Variants in MCM3AP observed in about 807,000 individuals in gnomAD.
MCM3AP encodes minichromosome maintenance complex component 3 associated protein, also known as germinal-center associated nuclear protein.
A neutral mutation model predicts 184.1 loss-of-function variants in MCM3AP; 126 were observed. The observed-to-expected ratio is 0.68, with a 90% CI of 0.59 to 0.79. The LOEUF (loss-of-function observed/expected upper bound fraction) is 0.79, where lower values mean the gene tolerates loss of function less well. Ranked by LOEUF, MCM3AP falls within the 30% of genes least tolerant of loss-of-function variation. The probability of loss-of-function intolerance (pLI) is 0.00; values close to 1 mark genes in which losing one functional copy is unlikely to be tolerated. For synonymous variants in MCM3AP, 1,002 were observed against 979.3 expected (o/e 1.02, Z -0.43); for missense variants, 2,496 against 2,479.2 (o/e 1.01, Z -0.14).
intron 25 of MCM3AP, chr21:46,241,669 A>G (rs577044515): frequency 6.6e-6 from 1 of 152,662 alleles, no homozygotes; most frequent in South Asian, 2.1e-4. Flanking sequence ...TTTCTCAGCA[A>G]TTGATGCATA....
At chr21:46,277,769 G>A in intron 4 of MCM3AP, 52 bp from the exon 5 acceptor site, 2 of 1,190,640 alleles carry the variant, frequency 1.7e-6, no homozygotes, top group South Asian at 1.7e-5. Flanking sequence ...GGCCTTCAGA[G>A]CATTTTCATT....
In MCM3AP at chr21:46,285,597, G is replaced by T; in HGVS notation, c.-311C>A. ...TTACTTTGTTACAGAGGTTTAAAGCGTGATCCTTTAAGATTAAAAAAAAAA... is the reference window on the plus strand; with the variant it reads ...TTACTTTGTTACAGAGGTTTAAAGCTTGATCCTTTAAGATTAAAAAAAAAA... On this transcript the variant is annotated 5_prime_UTR_variant, in exon 1 of 28. Coordinates refer to ENST00000291688, the MANE Select transcript of MCM3AP (RefSeq NM_003906.5). 3.9e-6 allele frequency: 1 copy of T among 253,320 alleles called. No homozygotes were observed. The highest frequency in any genetic ancestry group is 7.6e-5 in the East Asian group (1 of 13,078). 15.7% of individuals were successfully genotyped at this position (253,320 alleles called of 1,614,324 possible). A position where few individuals can be genotyped will look rare whatever the true frequency, so the allele number is the denominator to read the frequency against.
rs1305098765 is a variant in MCM3AP at position 46,258,943 on chromosome 21, G to T, written c.3730C>A (p.Gln1244Lys). Residue 1244 changes from glutamine to lysine, a missense_variant, in exon 16 of 28, where the codon CAG becomes AAG. By Grantham distance (53) the Gln-to-Lys change is moderately conservative. Transcript: ENST00000291688. ...QELQCFCKYL[Q>K]RWREAVTARK... ...CTGTAGGAACACAGGACTCACCGCT[G>T]TAGATACTTGCAGAAGCACTGAAGC... is the stretch of plus-strand genomic sequence containing the variant. The T allele has an allele frequency of 6.2e-7, 1 of 1,614,164 alleles. No homozygotes were observed. The highest frequency in any genetic ancestry group is 1.3e-5 in the African/African-American group (1 of 75,056).
At chr21:46,263,984 A>T (rs926627376) in intron 13 of MCM3AP, 133 bp downstream of exon 13, 10 of 567,278 alleles carry the variant, frequency 1.8e-5, no homozygotes, top group Non-Finnish European at 2.8e-5. Flanking sequence ...AATCTTCCTG[A>T]CACTGTATCT....
Position 46,246,701 on chromosome 21 carries a change from G to C in MCM3AP, c.4476C>G (p.Phe1492Leu). Residue 1492 changes from phenylalanine (F) to leucine (L), a missense_variant, in exon 21 of 28, where the codon TTC becomes TTG. Around this residue, in one of 5 missense-constraint regions of MCM3AP, gnomAD observed 1,323 missense variants for 1,273.4 expected, o/e 1.04. Coordinates refer to ENST00000291688, the MANE Select transcript of MCM3AP (RefSeq NM_003906.5). Reference sequence around the variant, plus strand: ...GAACCACCAGAGGAAGCGCAGGCTGGAAGGGCTTAGCCTGCAGGAGCTGCT... The same window carrying C: ...GAACCACCAGAGGAAGCGCAGGCTGCAAGGGCTTAGCCTGCAGGAGCTGCT... ...QLKQLLQAKP[F>L]QPALPLVVLV... The C allele has an allele frequency of 6.2e-7, 1 of 1,614,232 alleles. No individual in the cohort carries two copies. The highest frequency in any genetic ancestry group is 8.5e-7 in the Non-Finnish European group (1 of 1,180,026).
At position 46,283,660 on chromosome 21, in the gene MCM3AP, A is replaced by G; in HGVS notation, c.1398T>C (p.Phe466=). Residue 466 remains phenylalanine, a synonymous_variant, in exon 2 of 28, where the codon TTT becomes TTC. Coordinates refer to ENST00000291688, the MANE Select transcript of MCM3AP (RefSeq NM_003906.5). ...CTGCAAGCTTTTTGCTGCGCCTGGT[A>G]AAGATGCGCTGCACTTTAGCAATTT... is the stretch of plus-strand genomic sequence containing the variant. The part of the protein sequence containing the change: ...FGKIAKVQRI[F]TRRSKKLAVV... 1.2e-6 allele frequency: 2 copies of G among 1,614,156 alleles called. No homozygotes were observed. The highest frequency in any genetic ancestry group is 8.5e-7 in the Non-Finnish European group (1 of 1,180,002).
Position 46,272,614 on chromosome 21 carries a change from C to A in MCM3AP, c.2412G>T (p.Ala804=). The A allele has an allele frequency of 6.2e-7, 1 of 1,614,184 alleles. No homozygotes were observed. The highest frequency in any genetic ancestry group is 8.5e-7 in the Non-Finnish European group (1 of 1,180,016). Residue 804 remains alanine (A), a synonymous_variant, in exon 8 of 28, where the codon GCG becomes GCT. Coordinates refer to ENST00000291688, the MANE Select transcript of MCM3AP (RefSeq NM_003906.5). Reference sequence around the variant, plus strand: ...GCAGAACATTGTAGCCCTGGAACTCCGCTTCGCTGGCACAGAAGACACCCT... The same window carrying A: ...GCAGAACATTGTAGCCCTGGAACTCAGCTTCGCTGGCACAGAAGACACCCT... ...RNKGVFCASE[A]EFQGYNVLLS...
intron 15 of MCM3AP, 35 bp downstream of exon 15, chr21:46,260,758 C>T (rs1394076007): frequency 2.0e-6 from 3 of 1,472,180 alleles, no homozygotes; most frequent in Middle Eastern, 1.7e-4. Flanking sequence ...AAAGCTCACT[C>T]TCCTGGCACA....
chr21:46,279,190 A>T (rs1358566906), intron 4 of MCM3AP, among the ~76,000 whole-genome samples: 1 of 151,976 alleles, frequency 6.6e-6, no homozygotes, highest in African/African-American at 2.4e-5. Context: ...AGGGAGGCTA[A>T]GGCAGGAGAA....
intron 13 of MCM3AP, among the ~76,000 whole-genome samples, chr21:46,263,058 G>T (rs1165751879): frequency 6.6e-6 from 1 of 150,694 alleles, no homozygotes; most frequent in African/African-American, 2.4e-5. Context: ...GGCCAGGTGC[G>T]GTGGCTCACA....
At chr21:46,237,212 C>T (rs769370955) in intron 26 of MCM3AP, among the ~76,000 whole-genome samples, 7 of 150,978 alleles carry the variant, frequency 4.6e-5, no homozygotes, top group African/African-American at 7.3e-5. Flanking sequence ...AGTGATTCTC[C>T]TGCGTCAGCC....
chr21:46,282,257 G>A (rs1284890386), intron 2 of MCM3AP, among the ~76,000 whole-genome samples: 2 of 151,918 alleles, frequency 1.3e-5, no homozygotes, highest in Non-Finnish European at 2.9e-5. Context: ...CTGAAAGCAG[G>A]GACTCAAATA....
intron 26 of MCM3AP, 92 bp downstream of exon 26, chr21:46,240,719 T>G: frequency 8.7e-7 from 1 of 1,150,254 alleles, no homozygotes; most frequent in Non-Finnish European, 1.3e-6. Flanking sequence ...TTCTCCATCC[T>G]GGCTGTCTTA....
intron 4 of MCM3AP, among the ~76,000 whole-genome samples, chr21:46,278,177 AGAT>A (rs1478422652): frequency 1.3e-5 from 2 of 151,282 alleles, no homozygotes; most frequent in African/African-American, 4.9e-5. Context: ...AAAAAAAAAA[AGAT>A]AGGCTCATTT....
In MCM3AP at chr21:46,242,934, G is replaced by T; in HGVS notation, c.5297-3C>A. On this transcript the variant is annotated splice_region_variant and splice_polypyrimidine_tract_variant and intron_variant, in intron 24 of 27. Coordinates refer to ENST00000291688, the MANE Select transcript of MCM3AP (RefSeq NM_003906.5). ...CTGACCATCTTCACTCAGCGCCTCT[G>T]AGAAAACAATACAAAAACAGATAAA... The T allele has an allele frequency of 6.3e-7, 1 of 1,579,898 alleles. No homozygotes were observed.
Position 46,265,446 on chromosome 21 carries a change from C to G in MCM3AP, c.3109G>C (p.Ala1037Pro). The G allele has an allele frequency of 6.2e-7, 1 of 1,614,008 alleles. No individual in the cohort carries two copies. Among genetic ancestry groups the G allele is most frequent in the Non-Finnish European group, 8.5e-7 (1 of 1,179,932 alleles). The change falls in exon 12 of 28, where the codon GCG becomes CCG. Residue 1037 changes from alanine (A) to proline (P), a missense_variant. Transcript: ENST00000291688. ...SSLPQSLPAP[A>P]PSPVPLPPVL... The stretch of plus-strand genomic sequence containing the variant: ...GGAGGCAGAGGCACTGGTGAGGGCG[C>G]AGGGGCTGGTAGAGACTGTGGGAGA...
At chr21:46,243,782 T>C (rs1418308692) in intron 23 of MCM3AP, 60 bp from the exon 24 acceptor site, 3 of 1,545,034 alleles carry the variant, frequency 1.9e-6, no homozygotes, top group Non-Finnish European at 2.6e-6. Flanking sequence ...AAAATGTACA[T>C]GAAAACATTT....
rs529808296 is a variant in MCM3AP, at chr21:46,253,963, C to T, written c.4136+429G>A. On this transcript the variant is annotated intron_variant, in intron 19 of 27. Coordinates refer to ENST00000291688, the MANE Select transcript of MCM3AP (RefSeq NM_003906.5). ...CTGTTCTCATGATAGTGAGCTCTCA[C>T]GAGATCTGGTTAAGCATGTGGCATC... The T allele has an allele frequency of 1.2e-4, 26 of 208,128 alleles. No homozygotes were observed. In the South Asian group the frequency reaches 1.9e-3, roughly 15 times the overall value. The allele number at this position is 208,128 out of a possible 1,614,324, so 12.9% of individuals were successfully genotyped here. A position where few individuals can be genotyped will look rare whatever the true frequency, so the allele number is the denominator to read the frequency against.
chr21:46,257,287 C>T (rs1279537954), intron 16 of MCM3AP, among the ~76,000 whole-genome samples: 2 of 151,072 alleles, frequency 1.3e-5, no homozygotes, highest in Admixed American at 6.6e-5. Context: ...CCAGCCTGCG[C>T]AACACAGTGA....
Sources: allele counts gnomAD v4.1 joint callset (sites outside exome capture counted in the v4.1 genomes callset), GRCh38; gene constraint gnomAD v4.1.1; regional missense constraint gnomAD v4.1.1; transcripts MANE v1.5; gene names NCBI Gene and HGNC (gene_info 2026-07-23, HGNC 2026-07-21).